Variants in USP24 observed in about 807,000 individuals in gnomAD.
The protein encoded by USP24 is ubiquitin specific peptidase 24.
Under a neutral mutation model 361.6 loss-of-function variants are expected in USP24, and 97 were observed. That is an observed-to-expected ratio of 0.27 (90% CI 0.23 to 0.32). The LOEUF (loss-of-function observed/expected upper bound fraction) is 0.32, where lower values mean the gene tolerates loss of function less well. USP24 is among the 10% of genes least tolerant of loss of function. USP24 has a pLI of 1.00. For synonymous variants in USP24, 1,098 were observed against 1,124.6 expected, an observed-to-expected ratio of 0.98 and a Z score of 0.47; for missense variants, 2,353 against 3,165.6, an observed-to-expected ratio of 0.74 and a Z score of 6.16.
At chr1:55,175,890 T>A (rs1033504495) in intron 3 of USP24, among the ~76,000 whole-genome samples, 2 of 152,212 alleles carry the variant, frequency 1.3e-5, no homozygotes, top group South Asian at 2.1e-4. Context: ...CTGGCTCTAA[T>A]AGAGATGGTG....
chr1:55,200,982 T>C (rs774809114), intron 1 of USP24, among the ~76,000 whole-genome samples: 5 of 152,198 alleles, frequency 3.3e-5, no homozygotes, highest in Non-Finnish European at 7.3e-5. Flanking sequence ...ATGTGTTACA[T>C]CCAAAATTGT....
intron 31 of USP24, among the ~76,000 whole-genome samples, chr1:55,130,706 G>A (rs936346218): frequency 1.3e-5 from 2 of 152,132 alleles, no homozygotes; most frequent in African/African-American, 4.8e-5. Flanking sequence ...CGTCTACATG[G>A]ACACTCTGAC....
At chr1:55,189,865 T>C (rs1012185971) in intron 1 of USP24, among the ~76,000 whole-genome samples, 2 of 151,956 alleles carry the variant, frequency 1.3e-5, no homozygotes, top group Admixed American at 1.3e-4. Context: ...AAAACAGCAA[T>C]TAAAAAATAT....
Position 55,147,628 on chromosome 1 carries a change from CA to C in USP24, c.2118+20del. 1 of 1,563,418 alleles carries C rather than the reference CA, an allele frequency of 6.4e-7. No individual in the cohort carries two copies. Among genetic ancestry groups the C allele is most frequent in the Non-Finnish European group, 8.6e-7 (1 of 1,159,244 alleles). ...CAAATTAATGTTGTAAATCATGAAG[CA>C]AAAACACAAGGCCTGATACCTCCCG... On this transcript the variant is annotated intron_variant, in intron 18 of 67. Coordinates refer to ENST00000294383, the MANE Select transcript of USP24 (RefSeq NM_015306.3).
chr1:55,106,600 T>C lies in USP24; in HGVS notation c.4763-337A>G, dbSNP rs187736184. Reference sequence around the variant, plus strand: ...GAGTGAACAGTTCTTACTCTGGGCATAGGGGAGTCCACATAAGGGTTTCTG... The same window carrying C: ...GAGTGAACAGTTCTTACTCTGGGCACAGGGGAGTCCACATAAGGGTTTCTG... On this transcript the variant is annotated intron_variant, in intron 40 of 67. Transcript: ENST00000294383. 3.0e-3 allele frequency among the ~76,000 whole-genome samples: 462 copies of C among 152,296 alleles called. 3 individuals are homozygous for C. The highest frequency in any genetic ancestry group is 0.011 in the African/African-American group (449 of 41,552).
At chr1:55,131,438 A>G (rs2100645232) in intron 31 of USP24, among the ~76,000 whole-genome samples, 1 of 152,312 alleles carries the variant, frequency 6.6e-6, no homozygotes, top group East Asian at 1.9e-4. Flanking sequence ...CTCAACCTCA[A>G]ACGTGGTTTC....
intron 39 of USP24, 112 bp from the exon 40 acceptor site, chr1:55,107,542 C>G: frequency 8.0e-7 from 1 of 1,250,284 alleles, no homozygotes; most frequent in Non-Finnish European, 1.1e-6. Flanking sequence ...CTTTACAGAT[C>G]TTTAAAAAAC....
chr1:55,127,219 C>T (rs1402495419), intron 32 of USP24, among the ~76,000 whole-genome samples: 1 of 140,986 alleles, frequency 7.1e-6, no homozygotes, highest in African/African-American at 3.2e-5. Flanking sequence ...CCTCCCCACT[C>T]CCCCAACCCC....
At chr1:55,199,906 T>C (rs1412289180) in intron 1 of USP24, among the ~76,000 whole-genome samples, 1 of 152,170 alleles carries the variant, frequency 6.6e-6, no homozygotes, top group Non-Finnish European at 1.5e-5. Flanking sequence ...CTTACAATCA[T>C]GGCAGAAGGC....
rs769989551 is a variant in USP24 at position 55,172,459 on chromosome 1, A to G, written c.620T>C (p.Met207Thr). Residue 207 changes from methionine to threonine, a missense_variant, in exon 4 of 68, where the codon ATG (methionine) becomes ACG (threonine). By Grantham distance (81) the Met-to-Thr change is moderately conservative. This residue lies in a region of USP24 where 386 missense variants were observed against 560.5 expected (regional missense o/e 0.69). Transcript: ENST00000294383. ...GTEIHEGIYN[M>T]LMLLIELVAE... ...GACCAGTTCTATTAATAGCATCAAC[A>G]TGTTGTAAATTCCTTCATGAATTTC... 1.2e-6 allele frequency: 2 copies of G among 1,613,604 alleles called. No individual in the cohort carries two copies. The highest frequency in any genetic ancestry group is 1.7e-6 in the Non-Finnish European group (2 of 1,179,692).
intron 1 of USP24, among the ~76,000 whole-genome samples, chr1:55,214,013 C>G (rs1308796424): frequency 6.6e-6 from 1 of 152,020 alleles, no homozygotes; most frequent in Admixed American, 6.5e-5. Context: ...TTACCCAGAC[C>G]TGGTGCCAGC....
chr1:55,151,992 T>C (rs987842175), intron 16 of USP24: 2 of 985,618 alleles, frequency 2.0e-6, no homozygotes, highest in African/African-American at 1.7e-5. Flanking sequence ...GGAAAGGGCA[T>C]AGCATAGAAA....
chr1:55,152,881 C>T (rs1324510060), intron 16 of USP24, among the ~76,000 whole-genome samples: 1 of 151,990 alleles, frequency 6.6e-6, no homozygotes, highest in Non-Finnish European at 1.5e-5. Context: ...AAATAAAAGC[C>T]CACTGAGCTA....
In USP24 at chr1:55,176,505, A is replaced by G. The variant is rs187743434; in HGVS notation, c.491-62T>C. The G allele has an allele frequency of 1.5e-4, 212 of 1,422,966 alleles. 1 individual carries two copies. In the East Asian group the frequency reaches 5.1e-3, roughly 34 times the overall value. The allele number at this position is 1,422,966 out of a possible 1,614,324, so 88.1% of individuals were successfully genotyped here. A position where few individuals can be genotyped will look rare whatever the true frequency, so the allele number is the denominator to read the frequency against. On this transcript the variant is annotated intron_variant, in intron 2 of 67. Coordinates refer to ENST00000294383, the MANE Select transcript of USP24 (RefSeq NM_015306.3). ...GTCAGACTCAGAAAGACCTTAGTAA[A>G]ATGAATGAAATAATACACGTTATTT...
rs868685543 is a variant in USP24, at chr1:55,107,856, A to C, written c.4571-426T>G. On this transcript the variant is annotated intron_variant, in intron 39 of 67. Coordinates refer to ENST00000294383, the MANE Select transcript of USP24 (RefSeq NM_015306.3). The stretch of plus-strand genomic sequence containing the variant: ...GACTCTGTCTCAAAAAAAAAAAAAA[A>C]AAAAAAAAAACACACAAAAACCCCA... Among the ~76,000 whole-genome samples the C allele has an allele frequency of 3.8e-4, 57 of 149,562 alleles. 2 individuals are homozygous for C. The highest frequency in any genetic ancestry group is 1.2e-3 in the African/African-American group (50 of 40,746).
Position 55,106,186 on chromosome 1 carries a change from C to T in USP24, c.4840G>A (p.Ala1614Thr), listed in dbSNP as rs781227304. The T allele has an allele frequency of 6.2e-7, 1 of 1,613,936 alleles. No individual in the cohort carries two copies. The highest frequency in any genetic ancestry group is 1.7e-5 in the Admixed American group (1 of 60,026). The change falls in exon 41 of 68, where the codon GCT (alanine) becomes ACT (threonine). Residue 1614 changes from alanine (A) to threonine (T), a missense_variant. This residue lies in a region of USP24 where 949 missense variants were observed against 1,280.5 expected (regional missense o/e 0.74). Transcript: ENST00000294383. Reference sequence around the variant, plus strand: ...TGTTGACTGATGGCGGCACTGCCAGCTGGAGAATGACTATTTAAAATAATT... The same window carrying T: ...TGTTGACTGATGGCGGCACTGCCAGTTGGAGAATGACTATTTAAAATAATT... The part of the protein sequence containing the change: ...SRIILNSHSP[A>T]GSAAISQQDF...
chr1:55,214,956 T>C lies in USP24; in HGVS notation c.158A>G (p.Tyr53Cys). ...GCCACCGCCGCTGTCCATGGGCTCGTAGCCGCCGTAGTCGAGGCCCGGCCG... is the reference window on the plus strand; with the variant it reads ...GCCACCGCCGCTGTCCATGGGCTCGCAGCCGCCGTAGTCGAGGCCCGGCCG... ...NERPGLDYGGYEPMDSGGGPS... is the reference protein window; with the variant it reads ...NERPGLDYGGCEPMDSGGGPS... Residue 53 changes from tyrosine to cysteine, a missense_variant, in exon 1 of 68, where the codon TAC becomes TGC. By Grantham distance (194) the Tyr-to-Cys change is radical. Coordinates refer to ENST00000294383, the MANE Select transcript of USP24 (RefSeq NM_015306.3). 1 of 1,424,478 alleles carries C rather than the reference T, an allele frequency of 7.0e-7. No homozygotes were observed. Among genetic ancestry groups the C allele is most frequent in the Non-Finnish European group, 9.2e-7 (1 of 1,083,720 alleles). 88.2% of individuals were successfully genotyped at this position (1,424,478 alleles called of 1,614,324 possible).
In USP24 at chr1:55,144,192, A is replaced by G; in HGVS notation, c.2374T>C (p.Phe792Leu). ...TTCACATTTTCAAAAAAAGTTTTAA[A>G]TAAGTTAAAACCTGTAATTATAGAA... ...YEITMNGFNL[F>L]KTFFENVNLC... The change falls in exon 21 of 68, where the codon TTT (phenylalanine) becomes CTT (leucine). Residue 792 changes from phenylalanine to leucine, a missense_variant. Phe to Leu is a conservative substitution (Grantham distance 22). This residue lies in a region of USP24 where 949 missense variants were observed against 1,280.5 expected (regional missense o/e 0.74). Transcript: ENST00000294383. The G allele has an allele frequency of 3.1e-6, 5 of 1,596,800 alleles. No homozygotes were observed. The highest frequency in any genetic ancestry group is 8.5e-7 in the Non-Finnish European group (1 of 1,169,758).
Position 55,100,827 on chromosome 1 carries a change from T to G in USP24, c.5271+12A>C, listed in dbSNP as rs1282178579. The G allele has an allele frequency of 1.9e-6, 3 of 1,594,752 alleles. No homozygotes were observed. In the African/African-American group the frequency reaches 4.1e-5, roughly 22 times the overall value. On this transcript the variant is annotated intron_variant, in intron 44 of 67. Transcript: ENST00000294383. The stretch of plus-strand genomic sequence containing the variant: ...AACATCTTTAAATCTCAAGAGTTAC[T>G]GGGTGAAATACCTTCCAAAAATTCT...
Sources: gnomAD v4.1 joint callset for allele counts (sites outside exome capture counted in the v4.1 genomes callset) on GRCh38, gnomAD v4.1.1 for gene constraint, gnomAD v4.1.1 regional missense constraint, MANE v1.5 for transcripts, NCBI Gene and HGNC (gene_info 2026-07-23, HGNC 2026-07-21) for gene names.